The following SYNJ2 variants were observed in gnomAD, a reference collection of about 807,000 sequenced individuals.
The protein encoded by SYNJ2 is polyphosphatidylinositol phosphatase SYNJ2.
Under a neutral mutation model 141.3 loss-of-function variants are expected in SYNJ2, and 116 were observed. That is an observed-to-expected ratio of 0.82 (90% CI 0.71 to 0.96). SYNJ2 has a LOEUF of 0.96. Ranked by LOEUF, SYNJ2 falls within the 40% of genes least tolerant of loss-of-function variation. The pLI, the probability that SYNJ2 is intolerant of heterozygous loss-of-function variation, is 0.00. For synonymous variants in SYNJ2, 745 were observed against 777.7 expected, an observed-to-expected ratio of 0.96 and a Z score of 0.70; for missense variants, 1,873 against 1,934.8, an observed-to-expected ratio of 0.97 and a Z score of 0.60.
In SYNJ2 at chr6:158,005,369, G is replaced by A. The variant is rs568241872; in HGVS notation, c.128-11835G>A. 7.0e-3 allele frequency among the ~76,000 whole-genome samples: 1,059 copies of A among 152,176 alleles called. 11 individuals carry two copies. Among genetic ancestry groups the A allele is most frequent in the African/African-American group, 0.024 (991 of 41,512 alleles). ...TGGGATTAGAGGCGTGAGCCACCAC[G>A]CCCGGCCCCCAGTGATCTTTGACCC... On this transcript the variant is annotated intron_variant, in intron 1 of 26. Transcript: ENST00000355585.
At chr6:158,085,024 C>CTTT (rs751916726) in intron 22 of SYNJ2, among the ~76,000 whole-genome samples, 1 of 142,098 alleles carries the variant, frequency 7.0e-6, no homozygotes, top group African/African-American at 2.6e-5. Context: ...AATAATACAA[C>CTTT]TTTTTTTTTT....
At chr6:158,063,730 G>T in intron 8 of SYNJ2, 61 bp from the exon 9 acceptor site, 1 of 1,309,032 alleles carries the variant, frequency 7.6e-7, no homozygotes, top group South Asian at 1.2e-5. Flanking sequence ...GGGCCTCTGT[G>T]CTATGGCCAC....
intron 3 of SYNJ2, among the ~76,000 whole-genome samples, chr6:158,031,199 C>A (rs1276463197): frequency 6.6e-6 from 1 of 152,180 alleles, no homozygotes; most frequent in Non-Finnish European, 1.5e-5. Context: ...TGTGTGGAGT[C>A]CGTGAAACTA....
chr6:158,078,141 T>G, intron 17 of SYNJ2, 23 bp from the exon 18 acceptor site: 8 of 1,500,874 alleles, frequency 5.3e-6, no homozygotes, highest in Non-Finnish European at 7.4e-6. Context: ...TATGGGTCTC[T>G]CGAATGGAAC....
In SYNJ2 at chr6:157,988,236, A is replaced by G. The variant is rs147448159; in HGVS notation, c.127+6148A>G. ...ACACTAGCTGGGACTCTGTGTGTGT[A>G]TGCACGAGGCTCCCTGCAGGGGGGC... On this transcript the variant is annotated intron_variant, in intron 1 of 26. Transcript: ENST00000355585. Among the ~76,000 whole-genome samples, 712 of 152,328 alleles carry G rather than the reference A, an allele frequency of 4.7e-3. 2 individuals are homozygous for G. Among genetic ancestry groups the G allele is most frequent in the Non-Finnish European group, 7.7e-3 (525 of 68,008 alleles).
In SYNJ2 at chr6:158,028,824, G is replaced by A. The variant is rs1268924041; in HGVS notation, c.283G>A (p.Glu95Lys). ...CTSVGRIPDA[E>K]IYKITATDFY... is the part of the protein sequence containing the mutation. ...ATCTGTGGGCAGAATTCCAGATGCT[G>A]AAATCTACAAAATCACTGCCACTGA... Residue 95 changes from glutamate (E) to lysine (K), a missense_variant, in exon 3 of 27, where the codon GAA becomes AAA. Coordinates refer to ENST00000355585, the MANE Select transcript of SYNJ2 (RefSeq NM_003898.4). 6.2e-7 allele frequency: 1 copy of A among 1,614,070 alleles called. No homozygotes were observed. Among genetic ancestry groups the A allele is most frequent in the African/African-American group, 1.3e-5 (1 of 74,924 alleles).
intron 11 of SYNJ2, among the ~76,000 whole-genome samples, chr6:158,065,277 C>G (rs1168414062): frequency 6.6e-6 from 1 of 152,192 alleles, no homozygotes; most frequent in African/African-American, 2.4e-5. Context: ...CTAAACGCAT[C>G]GGTGCCTTTG....
intron 21 of SYNJ2, 34 bp downstream of exon 21, chr6:158,083,631 GTTC>G (rs750784898): frequency 6.2e-7 from 1 of 1,612,332 alleles, no homozygotes; most frequent in East Asian, 2.2e-5. Flanking sequence ...CAGGCAAGCC[GTTC>G]TTCTAGCAAC....
rs756724341 is a variant in SYNJ2 at position 158,033,468 on chromosome 6, C to T, written c.499C>T (p.His167Tyr). 1 of 1,614,076 alleles carries T rather than the reference C, an allele frequency of 6.2e-7. No individual in the cohort carries two copies. Among genetic ancestry groups the T allele is most frequent in the African/African-American group, 1.3e-5 (1 of 75,062 alleles). ...GNSFFWNQLL[H>Y]VPLRQHQVSC... ...TGTGTTTTGCAGGAACCAGCTGTTG[C>T]ACGTGCCCTTGAGGCAGCACCAGGT... The change falls in exon 4 of 27, where the codon CAC becomes TAC. Residue 167 changes from histidine (H) to tyrosine (Y), a missense_variant. Physicochemically the swap from His to Tyr is moderately conservative, Grantham distance 83. Transcript: ENST00000355585.
intron 1 of SYNJ2, among the ~76,000 whole-genome samples, chr6:157,988,426 T>C (rs1777288757): frequency 6.6e-6 from 1 of 152,178 alleles, no homozygotes; most frequent in Non-Finnish European, 1.5e-5. Context: ...CTTTGTTAGC[T>C]TGATTTAAAA....
At position 158,096,249 on chromosome 6, in the gene SYNJ2, C is replaced by G; in HGVS notation, c.4376C>G (p.Ala1459Gly). Residue 1459 changes from alanine to glycine, a missense_variant, in exon 27 of 27, where the codon GCC becomes GGC. By Grantham distance (60) the Ala-to-Gly change is moderately conservative. Coordinates refer to ENST00000355585, the MANE Select transcript of SYNJ2 (RefSeq NM_003898.4). The part of the protein sequence containing the change: ...IDPVSAGASA[A>G]KAELPPDHEH... ...CCAGTGTCAGCTGGCGCTTCAGCTG[C>G]CAAGGCAGAGCTGCCACCAGATCAT... 1 of 1,614,232 alleles carries G rather than the reference C, an allele frequency of 6.2e-7. No individual in the cohort carries two copies. Among genetic ancestry groups the G allele is most frequent in the Non-Finnish European group, 8.5e-7 (1 of 1,180,050 alleles).
chr6:157,985,224 C>T (rs1283952294), intron 1 of SYNJ2, among the ~76,000 whole-genome samples: 1 of 152,026 alleles, frequency 6.6e-6, no homozygotes, highest in African/African-American at 2.4e-5. Context: ...GATTGCTGGA[C>T]TCCTTCCATC....
At chr6:158,001,302 TCTC>T (rs1290439209) in intron 1 of SYNJ2, 2 of 151,758 alleles carry the variant, frequency 1.3e-5, no homozygotes, top group African/African-American at 4.8e-5. Flanking sequence ...CTATTTCACA[TCTC>T]CTCAAGCCTT....
At chr6:158,011,272 C>G (rs1229718652) in intron 1 of SYNJ2, among the ~76,000 whole-genome samples, 1 of 152,116 alleles carries the variant, frequency 6.6e-6, no homozygotes, top group Admixed American at 6.5e-5. Flanking sequence ...AAGGAGGTCC[C>G]CGGCTCCAGG....
chr6:158,020,551 C>T (rs1353004465), intron 2 of SYNJ2, among the ~76,000 whole-genome samples: 2 of 151,872 alleles, frequency 1.3e-5, no homozygotes, highest in African/African-American at 4.8e-5. Context: ...CTGACTCCAC[C>T]TGTATGACTC....
rs113557986 is a variant in SYNJ2, at chr6:158,063,530, G to A, written c.1128-261G>A. On this transcript the variant is annotated intron_variant, in intron 8 of 26. Coordinates refer to ENST00000355585, the MANE Select transcript of SYNJ2 (RefSeq NM_003898.4). ...AAAAATTAGCCGGGTGTGATGGCAC[G>A]CACCTGTAGTCCCAGCTACTTGGAA... Among the ~76,000 whole-genome samples, 1,139 of 151,994 alleles carry A rather than the reference G, an allele frequency of 7.5e-3. 14 individuals carry two copies. Among genetic ancestry groups the A allele is most frequent in the African/African-American group, 0.026 (1,064 of 41,430 alleles).
chr6:158,038,875 C>T (rs527350616), intron 4 of SYNJ2, among the ~76,000 whole-genome samples: 43 of 152,132 alleles, frequency 2.8e-4, no homozygotes, highest in African/African-American at 9.9e-4. Flanking sequence ...GTGTGCTGCG[C>T]GCAGCCCAGG....
chr6:158,052,791 TCTTTA>T (rs577032974), intron 5 of SYNJ2, among the ~76,000 whole-genome samples: 86 of 152,350 alleles, frequency 5.6e-4, no homozygotes, highest in African/African-American at 2.0e-3. Flanking sequence ...TGTCAGTGTC[TCTTTA>T]CTTAAGTGCA....
At chr6:158,090,013 G>A (rs1483526837) in intron 25 of SYNJ2, 66 bp downstream of exon 25, 2 of 1,165,114 alleles carry the variant, frequency 1.7e-6, no homozygotes, top group Non-Finnish European at 2.5e-6. Flanking sequence ...CCTGCTAAAA[G>A]TGGTCTAGAA....
Sources: allele counts gnomAD v4.1 joint callset (sites outside exome capture counted in the v4.1 genomes callset), GRCh38; gene constraint gnomAD v4.1.1; transcripts MANE v1.5; gene names NCBI Gene and HGNC (gene_info 2026-07-23, HGNC 2026-07-21).